The following RIMS2 variants were observed in gnomAD, a reference collection of about 807,000 sequenced individuals.
RIMS2 encodes regulating synaptic membrane exocytosis protein 2.
Under a neutral mutation model 174.4 loss-of-function variants are expected in RIMS2, and 59 were observed. The observed-to-expected ratio is 0.34, with a 90% CI of 0.27 to 0.42. RIMS2 has a LOEUF of 0.42. Among genes scored for constraint, RIMS2 ranks in the 10% least tolerant of loss-of-function variants. RIMS2 has a pLI of 1.00. For synonymous variants in RIMS2, 606 were observed against 572.5 expected, an observed-to-expected ratio of 1.06 and a Z score of -0.84; for missense variants, 1,620 against 1,666.3, an observed-to-expected ratio of 0.97 and a Z score of 0.48.
intron 16 of RIMS2, among the ~76,000 whole-genome samples, chr8:103,981,795 A>G (rs878971447): frequency 3.3e-5 from 5 of 152,088 alleles, no homozygotes; most frequent in Non-Finnish European, 5.9e-5. Flanking sequence ...AAGCAGAAGA[A>G]TTAGTGACCT....
At chr8:104,105,442 G>A (rs1377888345) in intron 19 of RIMS2, among the ~76,000 whole-genome samples, 1 of 152,164 alleles carries the variant, frequency 6.6e-6, no homozygotes, top group East Asian at 1.9e-4. Context: ...ATTGTGCATA[G>A]TGAAAAGGGT....
intron 19 of RIMS2, among the ~76,000 whole-genome samples, chr8:104,157,759 G>A (rs117371956): frequency 0.021 from 3,201 of 152,208 alleles, 50 homozygotes; most frequent in Middle Eastern, 0.041. Context: ...TCTGGCTATT[G>A]TGAATAATGC....
intron 15 of RIMS2, among the ~76,000 whole-genome samples, chr8:103,962,312 T>G (rs2090396317): frequency 6.6e-6 from 1 of 152,260 alleles, no homozygotes; most frequent in African/African-American, 2.4e-5. Flanking sequence ...AGTTGTATAT[T>G]TTTTCATTTA....
chr8:103,791,181 G>A (rs2098495090), intron 3 of RIMS2, among the ~76,000 whole-genome samples: 1 of 152,164 alleles, frequency 6.6e-6, no homozygotes. Flanking sequence ...AGAAGGTCGG[G>A]TTACCCACAA....
At chr8:104,185,169 T>C (rs1312551379) in intron 19 of RIMS2, among the ~76,000 whole-genome samples, 1 of 151,584 alleles carries the variant, frequency 6.6e-6, no homozygotes, top group African/African-American at 2.4e-5. Flanking sequence ...TAATTTCAAC[T>C]CAATAAGCCC....
chr8:103,575,681 C>CAT lies in RIMS2; in HGVS notation c.176+74620_176+74621insTA, dbSNP rs199658419. Among the ~76,000 whole-genome samples, 1,288 of 141,866 alleles carry CAT rather than the reference C, an allele frequency of 9.1e-3. 20 individuals carry two copies. The highest frequency in any genetic ancestry group is 0.039 in the South Asian group (178 of 4,566). 93.1% of individuals were successfully genotyped at this position (141,866 alleles called of 152,430 possible). A position where few individuals can be genotyped will look rare whatever the true frequency, so the allele number is the denominator to read the frequency against. ...ATATAAACACACACATACACACACACACACATATATATATATATACACATA... is the reference window on the plus strand; with the variant it reads ...ATATAAACACACACATACACACACACATACACATATATATATATATACACATA... On this transcript the variant is annotated intron_variant, in intron 1 of 23. Coordinates refer to ENST00000504942, the Ensembl canonical transcript of RIMS2.
At chr8:103,564,296 G>T (rs2092041375) in intron 1 of RIMS2, among the ~76,000 whole-genome samples, 1 of 152,148 alleles carries the variant, frequency 6.6e-6, no homozygotes, top group Admixed American at 6.5e-5. Context: ...CTTCAAAGTA[G>T]TCACTTTGGG....
rs1292051445 is a variant in RIMS2 at position 104,124,437 on chromosome 8, C to T, written c.3334+109822C>T. The stretch of plus-strand genomic sequence containing the variant: ...GTGAGTTAGTGAGTTCATTTTGCCT[C>T]TTCTCACTCAATGTCACTTTTTGTT... On this transcript the variant is annotated intron_variant, in intron 19 of 23. Coordinates refer to ENST00000504942, the Ensembl canonical transcript of RIMS2. Among the ~76,000 whole-genome samples the T allele has an allele frequency of 2.6e-5, 4 of 152,070 alleles. No individual in the cohort carries two copies. In the South Asian group the frequency reaches 6.2e-4, roughly 24 times the overall value.
Position 103,933,379 on chromosome 8 carries a change from G to A in RIMS2, c.2375+1986G>A, listed in dbSNP as rs144406624. Among the ~76,000 whole-genome samples the A allele has an allele frequency of 3.6e-3, 539 of 151,610 alleles. 9 individuals are homozygous for A. The highest frequency in any genetic ancestry group is 0.012 in the African/African-American group (515 of 41,266). ...CAGGTGCCTGTAATCCCAGCTACTCGGGAGGCTGAGACAGGAGAATTGCTT... is the reference window on the plus strand; with the variant it reads ...CAGGTGCCTGTAATCCCAGCTACTCAGGAGGCTGAGACAGGAGAATTGCTT... On this transcript the variant is annotated intron_variant, in intron 12 of 23. Transcript: ENST00000504942.
chr8:103,583,352 T>C (rs952410455), intron 1 of RIMS2, among the ~76,000 whole-genome samples: 2 of 152,102 alleles, frequency 1.3e-5, no homozygotes, highest in Non-Finnish European at 2.9e-5. Context: ...CTACCATAAA[T>C]TGTTATATCA....
chr8:103,558,409 A>T (rs1209264872), intron 1 of RIMS2, among the ~76,000 whole-genome samples: 1 of 152,114 alleles, frequency 6.6e-6, no homozygotes, highest in Non-Finnish European at 1.5e-5. Context: ...TTTTTTGTAG[A>T]GATGGGGTTT....
At chr8:103,866,465 G>A (rs1164197416) in intron 3 of RIMS2, among the ~76,000 whole-genome samples, 1 of 152,090 alleles carries the variant, frequency 6.6e-6, no homozygotes, top group Non-Finnish European at 1.5e-5. Context: ...ATACAGAGTT[G>A]TGCTGTATTT....
intron 2 of RIMS2, among the ~76,000 whole-genome samples, chr8:103,725,685 G>A (rs1607912): frequency 0.12 from 18,890 of 152,168 alleles, 1,271 homozygotes; most frequent in Middle Eastern, 0.22. Flanking sequence ...AAACATTTGT[G>A]TTCAAGTCTT....
intron 3 of RIMS2, among the ~76,000 whole-genome samples, chr8:103,788,549 C>T (rs1467170634): frequency 6.6e-6 from 1 of 151,482 alleles, no homozygotes; most frequent in African/African-American, 2.4e-5. Context: ...GTCAGTGTGC[C>T]CCTGCTGGGG....
intron 19 of RIMS2, among the ~76,000 whole-genome samples, chr8:104,175,537 C>G (rs1364426976): frequency 1.3e-5 from 2 of 152,070 alleles, no homozygotes; most frequent in Admixed American, 6.5e-5. Context: ...AATACTAAAT[C>G]TTATTCATTC....
At chr8:104,157,471 T>C (rs930444578) in intron 19 of RIMS2, among the ~76,000 whole-genome samples, 1 of 152,218 alleles carries the variant, frequency 6.6e-6, no homozygotes. Flanking sequence ...CATTATGTTG[T>C]GCAACTATCA....
chr8:103,608,709 G>A (rs1440046477), intron 1 of RIMS2, among the ~76,000 whole-genome samples: 1 of 151,984 alleles, frequency 6.6e-6, no homozygotes, highest in African/African-American at 2.4e-5. Flanking sequence ...CGTTTTTTAA[G>A]CCCTTCAGAA....
At chr8:104,013,323 T>A in intron 17 of RIMS2, 119 bp from the exon 20 acceptor site, 1 of 839,758 alleles carries the variant, frequency 1.2e-6, no homozygotes, top group South Asian at 2.3e-5. Context: ...AAAAGAAAAA[T>A]TTTTACATAC....
In RIMS2 at chr8:104,223,702, G is replaced by C. The variant is rs1196448880; in HGVS notation, c.3335-21214G>C. The C allele has an allele frequency of 3.1e-6, 5 of 1,592,508 alleles. No homozygotes were observed. The African/African-American group carries it at 6.7e-5, about 21-fold the overall frequency. On this transcript the variant is annotated intron_variant, in intron 19 of 23. Coordinates refer to ENST00000504942, the Ensembl canonical transcript of RIMS2. ...CCAGCGCTGCGGGGCGCTCCATGCAGCGCTCCCAGAGCCGGAGTAGCCTGT... is the reference window on the plus strand; with the variant it reads ...CCAGCGCTGCGGGGCGCTCCATGCACCGCTCCCAGAGCCGGAGTAGCCTGT...
Sources: gnomAD v4.1 joint callset for allele counts (sites outside exome capture counted in the v4.1 genomes callset) on GRCh38, gnomAD v4.1.1 for gene constraint, MANE v1.5 for transcripts, NCBI Gene and HGNC (gene_info 2026-07-23, HGNC 2026-07-21) for gene names.